TET1: variants seen among roughly 807,000 people sequenced by gnomAD.
The protein encoded by TET1 is methylcytosine dioxygenase TET1.
In TET1, 13 loss-of-function variants were observed where a neutral mutation model predicts 148.7. The observed-to-expected ratio is 0.09, with a 90% CI of 0.06 to 0.14. TET1 has a LOEUF of 0.14. Among genes scored for constraint, TET1 ranks in the 10% least tolerant of loss-of-function variants. The pLI is 1.00. For synonymous variants in TET1, 907 were observed against 937.2 expected (o/e 0.97, Z 0.59); for missense variants, 2,182 against 2,553.8 (o/e 0.85, Z 3.14).
chr10:68,566,027 A>G (rs1480055811), intron 1 of TET1, among the ~76,000 whole-genome samples: 1 of 152,206 alleles, frequency 6.6e-6, no homozygotes, highest in Non-Finnish European at 1.5e-5. Context: ...ATAGGGTTTG[A>G]ATGATAAAGA....
At chr10:68,662,444 A>C (rs996543190) in intron 6 of TET1, among the ~76,000 whole-genome samples, 10 of 152,080 alleles carry the variant, frequency 6.6e-5, no homozygotes, top group African/African-American at 2.4e-4. Flanking sequence ...GTCTTTACTT[A>C]TTATTAATTT....
intron 2 of TET1, among the ~76,000 whole-genome samples, chr10:68,587,052 T>C (rs2053869540): frequency 6.6e-6 from 1 of 152,220 alleles, no homozygotes; most frequent in Non-Finnish European, 1.5e-5. Context: ...AGGATTAAGA[T>C]ACTTTATGAA....
chr10:68,631,433 CTTTTTTT>C (rs546257824), intron 3 of TET1, among the ~76,000 whole-genome samples: 1,153 of 110,626 alleles, frequency 0.01, 15 homozygotes, highest in African/African-American at 0.036. Context: ...TTTCTTTCTT[CTTTTTTT>C]TTTTTTTTTT....
At chr10:68,589,582 G>A (rs866521463) in intron 2 of TET1, among the ~76,000 whole-genome samples, 2 of 151,820 alleles carry the variant, frequency 1.3e-5, no homozygotes, top group African/African-American at 4.8e-5. Context: ...GGGCTGACAG[G>A]AGTGAGCCAC....
At position 68,560,371 on chromosome 10, in the gene TET1, C is replaced by T. The variant is rs2053536212; in HGVS notation, c.-494C>T. Among the ~76,000 whole-genome samples the T allele has an allele frequency of 6.6e-6, 1 of 152,246 alleles. No homozygotes were observed. Among genetic ancestry groups the T allele is most frequent in the Admixed American group, 6.5e-5 (1 of 15,280 alleles). ...GGTCTGTCCTGGGGAGACACTGCTG[C>T]TCCGGGGGGCTGACCTGGCGGGGAG... On this transcript the variant is annotated 5_prime_UTR_variant, in exon 1 of 12. Transcript: ENST00000373644.
chr10:68,685,165 G>GA (rs1367727643), intron 10 of TET1, among the ~76,000 whole-genome samples: 1 of 152,132 alleles, frequency 6.6e-6, no homozygotes, highest in Admixed American at 6.5e-5. Context: ...TGAGGCAGGA[G>GA]AAACACTCAA....
intron 3 of TET1, among the ~76,000 whole-genome samples, chr10:68,620,867 G>C (rs547900611): frequency 1.3e-5 from 2 of 152,170 alleles, no homozygotes; most frequent in East Asian, 3.8e-4. Context: ...TAGCCTCCTA[G>C]TGGGTGGCAA....
intron 2 of TET1, among the ~76,000 whole-genome samples, chr10:68,577,247 A>C (rs528934790): frequency 1.0e-3 from 156 of 149,510 alleles, no homozygotes; most frequent in African/African-American, 3.5e-3. Flanking sequence ...GGGTTTTGCC[A>C]TGTTGGCCAG....
chr10:68,609,058 C>G (rs549997935), intron 3 of TET1, among the ~76,000 whole-genome samples: 22 of 151,964 alleles, frequency 1.4e-4, no homozygotes, highest in Non-Finnish European at 2.2e-4. Context: ...GGCTGGAGTG[C>G]AGTGGCTCTG....
At position 68,615,890 on chromosome 10, in the gene TET1, G is replaced by A. The variant is rs149695153; in HGVS notation, c.1968+14856G>A. Among the ~76,000 whole-genome samples the A allele has an allele frequency of 4.7e-3, 708 of 151,652 alleles. 4 individuals carry two copies. The highest frequency in any genetic ancestry group is 0.016 in the African/African-American group (650 of 41,352). On this transcript the variant is annotated intron_variant, in intron 3 of 11. Coordinates refer to ENST00000373644, the MANE Select transcript of TET1 (RefSeq NM_030625.3). ...TCGAACTCCCGACCTCAGGTGATCCGCCCGCTTTGGCCTCCCAAAGTGCTG... is the reference window on the plus strand; with the variant it reads ...TCGAACTCCCGACCTCAGGTGATCCACCCGCTTTGGCCTCCCAAAGTGCTG...
At position 68,573,272 on chromosome 10, in the gene TET1, A is replaced by G; in HGVS notation, c.934A>G (p.Arg312Gly). Residue 312 changes from arginine to glycine, a missense_variant, in exon 2 of 12, where the codon AGA (arginine) becomes GGA (glycine). Around this residue, in one of 11 missense-constraint regions of TET1, gnomAD observed 665 missense variants for 672.4 expected, o/e 0.99. Transcript: ENST00000373644. Reference sequence around the variant, plus strand: ...TAAGGTTATACCTGACTTGAACCTTAGAAACTGCTTGGCTCTTGGTGGGTC... The same window carrying G: ...TAAGGTTATACCTGACTTGAACCTTGGAAACTGCTTGGCTCTTGGTGGGTC... ...LNKVIPDLNL[R>G]NCLALGGSTS... 6.2e-7 allele frequency: 1 copy of G among 1,614,120 alleles called. No homozygotes were observed. Among genetic ancestry groups the G allele is most frequent in the Non-Finnish European group, 8.5e-7 (1 of 1,180,034 alleles).
intron 6 of TET1, among the ~76,000 whole-genome samples, chr10:68,661,812 TAA>T (rs1225279945): frequency 4.6e-5 from 6 of 131,288 alleles, no homozygotes; most frequent in Middle Eastern, 3.7e-3. Flanking sequence ...TTTTCTTTGT[TAA>T]AAAAACACAC....
intron 1 of TET1, among the ~76,000 whole-genome samples, chr10:68,567,033 C>T (rs1057141714): frequency 6.6e-6 from 1 of 152,094 alleles, no homozygotes; most frequent in Non-Finnish European, 1.5e-5. Flanking sequence ...AGAAACTTGT[C>T]ACAATCTACT....
intron 2 of TET1, among the ~76,000 whole-genome samples, chr10:68,596,726 A>G (rs924318134): frequency 5.3e-5 from 8 of 152,202 alleles, no homozygotes; most frequent in Non-Finnish European, 7.3e-5. Flanking sequence ...TGAAGCATCA[A>G]TTTGATATTT....
intron 8 of TET1, chr10:68,675,155 A>G (rs184368963): frequency 1.7e-4 from 60 of 350,730 alleles, no homozygotes; most frequent in South Asian, 2.3e-4. Flanking sequence ...TTTGTGGGGG[A>G]AAAAAGTGTC....
intron 2 of TET1, among the ~76,000 whole-genome samples, chr10:68,600,180 C>A (rs764706760): frequency 3.9e-5 from 6 of 152,076 alleles, no homozygotes; most frequent in Non-Finnish European, 8.8e-5. Context: ...ATGCACAATA[C>A]CTTCCAGAGT....
chr10:68,579,922 C>G (rs78419585), intron 2 of TET1, among the ~76,000 whole-genome samples: 4,320 of 151,478 alleles, frequency 0.029, 193 homozygotes, highest in African/African-American at 0.1. Flanking sequence ...ACTCTCACAC[C>G]TTCCTTCTTC....
intron 3 of TET1, among the ~76,000 whole-genome samples, chr10:68,612,659 C>G (rs1017716583): frequency 3.9e-5 from 6 of 152,132 alleles, no homozygotes; most frequent in Non-Finnish European, 8.8e-5. Context: ...CACTTTGTCA[C>G]CCAGGCCGTA....
chr10:68,654,974 A>G (rs1037940323), intron 6 of TET1, among the ~76,000 whole-genome samples: 9 of 152,156 alleles, frequency 5.9e-5, no homozygotes, highest in African/African-American at 2.2e-4. Context: ...ATGTTTTCAT[A>G]ACACAGCAGC....
Sources: allele counts gnomAD v4.1 joint callset (sites outside exome capture counted in the v4.1 genomes callset), GRCh38; gene constraint gnomAD v4.1.1; regional missense constraint gnomAD v4.1.1; transcripts MANE v1.5; gene names NCBI Gene and HGNC (gene_info 2026-07-23, HGNC 2026-07-21).